SEMA6D: variants seen among roughly 807,000 people sequenced by gnomAD.
The protein encoded by SEMA6D is semaphorin 6D.
In SEMA6D, 35 loss-of-function variants were observed where a neutral mutation model predicts 106.6. The observed-to-expected ratio is 0.33, with a 90% CI of 0.25 to 0.44. The LOEUF is 0.44. Ranked by LOEUF, SEMA6D falls within the 20% of genes least tolerant of loss-of-function variation. The pLI is 1.00. For missense variants in SEMA6D, 1,185 were observed against 1,345.9 expected (o/e 0.88, Z 1.87); for synonymous variants, 499 against 487.7 (o/e 1.02, Z -0.31).
chr15:47,252,041 G>A (rs55815728), intron 1 of SEMA6D, among the ~76,000 whole-genome samples: 2,872 of 141,812 alleles, frequency 0.02, 41 homozygotes, highest in Middle Eastern at 0.053. Flanking sequence ...TCAGCCTCCC[G>A]AGTAGCTGGG....
chr15:47,348,883 A>G (rs142485781), intron 1 of SEMA6D, among the ~76,000 whole-genome samples: 14 of 152,236 alleles, frequency 9.2e-5, no homozygotes, highest in African/African-American at 3.4e-4. Context: ...TGTCCTGTAG[A>G]GGATGGAAGA....
At chr15:47,444,905 G>A (rs1245603353) in intron 2 of SEMA6D, among the ~76,000 whole-genome samples, 1 of 152,102 alleles carries the variant, frequency 6.6e-6, no homozygotes, top group African/African-American at 2.4e-5. Flanking sequence ...CCAGCGTCCA[G>A]GAAAAATCAG....
intron 1 of SEMA6D, among the ~76,000 whole-genome samples, chr15:47,390,619 A>G (rs2039995717): frequency 6.6e-6 from 1 of 152,064 alleles, no homozygotes; most frequent in African/African-American, 2.4e-5. Context: ...GCTCTTTCAT[A>G]CCTCAAGACA....
At chr15:47,248,956 G>A (rs1251547575) in intron 1 of SEMA6D, among the ~76,000 whole-genome samples, 1 of 152,088 alleles carries the variant, frequency 6.6e-6, no homozygotes, top group Non-Finnish European at 1.5e-5. Context: ...GGCCAGGCAC[G>A]GTGGCTCACA....
At chr15:47,521,247 C>T (rs567258389) in intron 3 of SEMA6D, among the ~76,000 whole-genome samples, 3 of 152,152 alleles carry the variant, frequency 2.0e-5, no homozygotes, top group Non-Finnish European at 2.9e-5. Flanking sequence ...AAGTGAGTTG[C>T]TGGAGGGGCA....
At chr15:47,291,763 C>T (rs905821798) in intron 1 of SEMA6D, among the ~76,000 whole-genome samples, 1 of 152,204 alleles carries the variant, frequency 6.6e-6, no homozygotes, top group Non-Finnish European at 1.5e-5. Context: ...TTTTTATCAT[C>T]ATAATGTTTT....
chr15:47,390,127 C>CAGTT (rs1405020024), intron 1 of SEMA6D, among the ~76,000 whole-genome samples: 1 of 152,068 alleles, frequency 6.6e-6, no homozygotes, highest in Admixed American at 6.6e-5. Flanking sequence ...ATCTGGAAAT[C>CAGTT]AGTTGGAAGG....
intron 1 of SEMA6D, among the ~76,000 whole-genome samples, chr15:47,401,722 C>G (rs1223544885): frequency 6.6e-6 from 1 of 152,202 alleles, no homozygotes; most frequent in Non-Finnish European, 1.5e-5. Flanking sequence ...TTCTAGTGCC[C>G]TTTCCACTTT....
chr15:47,741,014 T>C (rs1233656783), intron 1 of SEMA6D, among the ~76,000 whole-genome samples: 2 of 152,246 alleles, frequency 1.3e-5, no homozygotes, highest in Non-Finnish European at 2.9e-5. Context: ...AGTTACCTGC[T>C]AGACTATTAG....
chr15:47,760,813 G>A (rs1386835911), intron 3 of SEMA6D, among the ~76,000 whole-genome samples, 165 bp from the exon 4 acceptor site: 1 of 152,164 alleles, frequency 6.6e-6, no homozygotes, highest in East Asian at 1.9e-4. Flanking sequence ...ATATATAAAA[G>A]CATCTCACTA....
intron 1 of SEMA6D, among the ~76,000 whole-genome samples, chr15:47,326,576 A>C (rs2037137615): frequency 6.6e-6 from 1 of 151,838 alleles, no homozygotes; most frequent in Non-Finnish European, 1.5e-5. Flanking sequence ...GTAAGTGCTG[A>C]GTTGTTTACA....
intron 4 of SEMA6D, among the ~76,000 whole-genome samples, chr15:47,680,142 A>T (rs890425093): frequency 2.0e-5 from 3 of 152,082 alleles, no homozygotes; most frequent in African/African-American, 7.2e-5. Context: ...AAACCAGTTT[A>T]CTCTTATCAG....
intron 2 of SEMA6D, among the ~76,000 whole-genome samples, chr15:47,421,715 G>C (rs1189248871): frequency 6.6e-6 from 1 of 151,984 alleles, no homozygotes; most frequent in Non-Finnish European, 1.5e-5. Context: ...GGGATCAGAA[G>C]TAAAGGTGCC....
At chr15:47,690,622 T>G (rs983610286) in intron 4 of SEMA6D, among the ~76,000 whole-genome samples, 3 of 152,152 alleles carry the variant, frequency 2.0e-5, no homozygotes, top group Admixed American at 1.3e-4. Context: ...CCTTGTGTCT[T>G]CAGAATCTGC....
At chr15:47,343,248 T>TTTATTATTATTAA (rs1555425178) in intron 1 of SEMA6D, among the ~76,000 whole-genome samples, 11 of 146,146 alleles carry the variant, frequency 7.5e-5, no homozygotes, top group Admixed American at 6.8e-4. Flanking sequence ...TAGTTGGATT[T>TTTATTATTATTAA]TTATTATTAT....
intron 2 of SEMA6D, among the ~76,000 whole-genome samples, chr15:47,433,695 T>G (rs2140602850): frequency 6.6e-6 from 1 of 152,248 alleles, no homozygotes; most frequent in East Asian, 1.9e-4. Context: ...ATAAACTCAC[T>G]GAAGTTGCAG....
chr15:47,227,064 A>G (rs1008518207), intron 1 of SEMA6D, among the ~76,000 whole-genome samples: 2 of 152,114 alleles, frequency 1.3e-5, no homozygotes, highest in Non-Finnish European at 1.5e-5. Flanking sequence ...TTAAAATGCC[A>G]AAGACCACAA....
intron 1 of SEMA6D, among the ~76,000 whole-genome samples, chr15:47,249,717 A>G (rs2033404530): frequency 6.6e-6 from 1 of 152,192 alleles, no homozygotes; most frequent in African/African-American, 2.4e-5. Flanking sequence ...ATCTTGAGAA[A>G]CATGATGAAT....
chr15:47,709,650 T>C (rs1187559508), intron 4 of SEMA6D, among the ~76,000 whole-genome samples: 1 of 152,170 alleles, frequency 6.6e-6, no homozygotes, highest in African/African-American at 2.4e-5. Flanking sequence ...GATTTTGTAA[T>C]GCCCTGATTT....
Sources: allele counts gnomAD v4.1 joint callset (sites outside exome capture counted in the v4.1 genomes callset), GRCh38; gene constraint gnomAD v4.1.1; transcripts MANE v1.5; gene names NCBI Gene and HGNC (gene_info 2026-07-23, HGNC 2026-07-21).